The following TCIRG1 variants were observed in gnomAD, a reference collection of about 807,000 sequenced individuals.
The protein encoded by TCIRG1 is T cell immune regulator 1, ATPase H+ transporting V0 subunit a3.
TCIRG1 carries 86 observed loss-of-function variants against 95.5 expected under a neutral mutation model. The ratio of observed to expected loss-of-function variants is 0.90; its 90% CI spans 0.76 to 1.08. The LOEUF (loss-of-function observed/expected upper bound fraction) is 1.08, where lower values mean the gene tolerates loss of function less well. Among genes scored for constraint, TCIRG1 ranks in the 50% least tolerant of loss-of-function variants. The pLI is 0.00. For missense variants in TCIRG1, 1,069 were observed against 1,140.2 expected, an observed-to-expected ratio of 0.94 and a Z score of 0.90; for synonymous variants, 499 against 501.3, an observed-to-expected ratio of 1.00 and a Z score of 0.06.
Position 68,050,513 on chromosome 11 carries a change from G to T in TCIRG1, c.2263G>T (p.Val755Leu), listed in dbSNP as rs764166086. 1 of 1,613,438 alleles carries T rather than the reference G, an allele frequency of 6.2e-7. No individual in the cohort carries two copies. Among genetic ancestry groups the T allele is most frequent in the Non-Finnish European group, 8.5e-7 (1 of 1,180,016 alleles). Residue 755 changes from valine (V) to leucine (L), a missense_variant, in exon 19 of 20, where the codon GTG (valine) becomes TTG (leucine). Physicochemically the swap from Val to Leu is conservative, Grantham distance 32 (BLOSUM62 1). Transcript: ENST00000265686. ...GCTGTCCGAGGTTCTGTGGGCCATG[G>T]TGATGCGCATAGGCCTGGGCCTGGG... ...AQLSEVLWAM[V>L]MRIGLGLGRE...
At chr11:68,050,396 C>A (rs569062999) in intron 18 of TCIRG1, 91 bp from the exon 19 acceptor site, 86 of 1,608,944 alleles carry the variant, frequency 5.3e-5, no homozygotes, top group Non-Finnish European at 4.4e-5. Context: ...GCTGGCCCCC[C>A]GTGCAGGGAG....
chr11:68,040,814 C>T lies in TCIRG1; in HGVS notation c.-4-454C>T, dbSNP rs527571571. Among the ~76,000 whole-genome samples the T allele has an allele frequency of 4.6e-5, 7 of 152,316 alleles. No individual in the cohort carries two copies. The South Asian group carries it at 1.4e-3, about 32-fold the overall frequency. On this transcript the variant is annotated intron_variant, in intron 1 of 19. Transcript: ENST00000265686. ...GCCCCAGGGTACCCGGTGGAGATGC[C>T]CGCTCCTACCACTCAGCACATGCAG...
In TCIRG1 at chr11:68,042,780, C is replaced by T. The variant is rs762422453; in HGVS notation, c.334C>T (p.Arg112Trp). 49 of 1,547,964 alleles carry T rather than the reference C, an allele frequency of 3.2e-5. No individual in the cohort carries two copies. Among genetic ancestry groups the T allele is most frequent in the South Asian group, 1.1e-4 (9 of 83,960 alleles). ...CCTGGCCCAGGAGCTGCGGGATGTG[C>T]GGGGCAACCAGCAGGCCCTGCGGGC... ...ERLAQELRDV[R>W]GNQQALRAQL... The change falls in exon 4 of 20, where the codon CGG becomes TGG. Residue 112 changes from arginine to tryptophan, a missense_variant. By Grantham distance (101) the Arg-to-Trp change is moderately radical. Coordinates refer to ENST00000265686, the MANE Select transcript of TCIRG1 (RefSeq NM_006019.4).
At position 68,039,208 on chromosome 11, in the gene TCIRG1, C is replaced by T. The variant is rs1248373077; in HGVS notation, c.-5+89C>T. On this transcript the variant is annotated intron_variant, in intron 1 of 19. Transcript: ENST00000265686. ...CCGGGGAGGAGATCCTGGCGCCCCACCCAGTTGGCTCCGTGAATGCAGCTC... is the reference window on the plus strand; with the variant it reads ...CCGGGGAGGAGATCCTGGCGCCCCATCCAGTTGGCTCCGTGAATGCAGCTC... 2.6e-5 allele frequency: 4 copies of T among 152,280 alleles called. No individual in the cohort carries two copies. In the East Asian group the frequency reaches 7.7e-4, roughly 29 times the overall value. 9.4% of individuals were successfully genotyped at this position (152,280 alleles called of 1,614,324 possible). A position where few individuals can be genotyped will look rare whatever the true frequency, so the allele number is the denominator to read the frequency against.
At chr11:68,049,443 C>A in intron 15 of TCIRG1, 149 bp downstream of exon 15, 1 of 1,003,006 alleles carries the variant, frequency 1.0e-6, no homozygotes, top group Non-Finnish European at 1.4e-6. Flanking sequence ...TGATGGTGTG[C>A]ATCTTTAGCA....
At chr11:68,053,271 A>C (rs906535385), downstream of TCIRG1, 7 of 152,406 alleles carry the variant, frequency 4.6e-5, no homozygotes, top group South Asian at 2.1e-4. Flanking sequence ...GTGGCCACGC[A>C]TGGCTGTCTG....
In TCIRG1 at chr11:68,041,252, C is replaced by T; in HGVS notation, c.-4-16C>T. Reference sequence around the variant, plus strand: ...TGGTCTGCCCCTGACTGGCCCCCATCCGTGTCCACCCACAGGACCATGGGC... The same window carrying T: ...TGGTCTGCCCCTGACTGGCCCCCATTCGTGTCCACCCACAGGACCATGGGC... On this transcript the variant is annotated splice_polypyrimidine_tract_variant and intron_variant, in intron 1 of 19. Coordinates refer to ENST00000265686, the MANE Select transcript of TCIRG1 (RefSeq NM_006019.4). 6.3e-7 allele frequency: 1 copy of T among 1,576,510 alleles called. No homozygotes were observed. The highest frequency in any genetic ancestry group is 8.7e-7 in the Non-Finnish European group (1 of 1,146,766).
At chr11:68,043,545 C>G in intron 6 of TCIRG1, 26 bp from the exon 7 acceptor site, 1 of 1,598,672 alleles carries the variant, frequency 6.3e-7, no homozygotes, top group Non-Finnish European at 8.5e-7. Flanking sequence ...AGCGGGACCC[C>G]AGAGTCAGCT....
chr11:68,053,196 T>G (rs1460692168), downstream of TCIRG1: 1 of 156,046 alleles, frequency 6.4e-6, no homozygotes, highest in Non-Finnish European at 1.4e-5. Flanking sequence ...CCCAAAGAGC[T>G]AGGTCAAGCA....
At chr11:68,053,486 C>T (rs983438076), downstream of TCIRG1, 6 of 152,914 alleles carry the variant, frequency 3.9e-5, no homozygotes, top group African/African-American at 1.4e-4. Context: ...GCAGAGGCCA[C>T]CTTGCAGCAG....
intron 13 of TCIRG1, among the ~76,000 whole-genome samples, chr11:68,048,484 G>A (rs1331675437): frequency 6.6e-6 from 1 of 152,162 alleles, no homozygotes; most frequent in Non-Finnish European, 1.5e-5. Flanking sequence ...AGTAGAGACA[G>A]GGTTTCACCA....
In TCIRG1 at chr11:68,050,503, G is replaced by A. The variant is rs369912453; in HGVS notation, c.2253G>A (p.Leu751=). The stretch of plus-strand genomic sequence containing the variant: ...TGCTTGCAGAGCTGTCCGAGGTTCT[G>A]TGGGCCATGGTGATGCGCATAGGCC... The part of the protein sequence containing the change: ...SLAHAQLSEV[L]WAMVMRIGLG... Residue 751 remains leucine (L), a synonymous_variant, in exon 19 of 20, where the codon CTG becomes CTA. Transcript: ENST00000265686. 1 of 1,613,378 alleles carries A rather than the reference G, an allele frequency of 6.2e-7. No homozygotes were observed. The highest frequency in any genetic ancestry group is 1.3e-5 in the African/African-American group (1 of 74,926).
intron 10 of TCIRG1, among the ~76,000 whole-genome samples, chr11:68,046,567 G>C (rs950809486): frequency 6.6e-6 from 1 of 152,150 alleles, no homozygotes; most frequent in Non-Finnish European, 1.5e-5. Context: ...AGTGACCTCT[G>C]TAAGGACCCT....
At chr11:68,052,410 G>C (rs545824923), downstream of TCIRG1, 2 of 152,440 alleles carry the variant, frequency 1.3e-5, no homozygotes, top group East Asian at 3.9e-4. Context: ...AGGGCTGAGT[G>C]AGGCCAGCAG....
chr11:68,050,380 T>A, intron 18 of TCIRG1, 107 bp from the exon 19 acceptor site: 1 of 1,605,324 alleles, frequency 6.2e-7, no homozygotes. Context: ...TCCAAGGAGG[T>A]CCCTCGCTGG....
At chr11:68,040,243 CCAAGGTCA>C (rs1224793610) in intron 1 of TCIRG1, among the ~76,000 whole-genome samples, 1 of 152,120 alleles carries the variant, frequency 6.6e-6, no homozygotes, top group Admixed American at 6.6e-5. Flanking sequence ...AGAGACTTGC[CCAAGGTCA>C]CACACCCAAT....
chr11:68,043,262 G>A (rs531050320), intron 5 of TCIRG1, 109 bp from the exon 6 acceptor site: 1 of 1,490,008 alleles, frequency 6.7e-7, no homozygotes, highest in South Asian at 1.3e-5. Context: ...CAGGGCCAGT[G>A]TGCCCAATTG....
rs762102912 is a variant in TCIRG1 at position 68,047,776 on chromosome 11, G to A, written c.1435G>A (p.Ala479Thr). The A allele has an allele frequency of 2.5e-6, 4 of 1,612,972 alleles. No individual in the cohort carries two copies. Among genetic ancestry groups the A allele is most frequent in the Non-Finnish European group, 3.4e-6 (4 of 1,179,892 alleles). Residue 479 changes from alanine (A) to threonine (T), a missense_variant, in exon 12 of 20, where the codon GCC (alanine) becomes ACC (threonine). Coordinates refer to ENST00000265686, the MANE Select transcript of TCIRG1 (RefSeq NM_006019.4). ...TSIFPSGWSV[A>T]AMANQSGWSD... ...CATCTTCCCCTCGGGCTGGAGTGTG[G>A]CCGCCATGGCCAACCAGTCTGGCTG...
At chr11:68,040,941 G>A (rs1271222748) in intron 1 of TCIRG1, among the ~76,000 whole-genome samples, 1 of 152,210 alleles carries the variant, frequency 6.6e-6, no homozygotes, top group Non-Finnish European at 1.5e-5. Context: ...AGCCCGAGAG[G>A]AGGGAGGCCA....
Sources: gnomAD v4.1 joint callset for allele counts (sites outside exome capture counted in the v4.1 genomes callset) on GRCh38, gnomAD v4.1.1 for gene constraint, MANE v1.5 for transcripts, NCBI Gene and HGNC (gene_info 2026-07-23, HGNC 2026-07-21) for gene names.